The following GSE1 variants were observed in gnomAD, a reference collection of about 807,000 sequenced individuals.
GSE1 encodes Gse1 coiled-coil protein.
Under a neutral mutation model 112.6 loss-of-function variants are expected in GSE1, and 32 were observed. The observed-to-expected ratio is 0.28, with a 90% confidence interval of 0.21 to 0.38. The LOEUF is 0.38. GSE1 is among the 10% of genes least tolerant of loss of function. The pLI is 1.00. For missense variants in GSE1, 2,348 were observed against 1,699.2 expected, an observed-to-expected ratio of 1.38 and a Z score of -6.71; for synonymous variants, 1,115 against 735.6, an observed-to-expected ratio of 1.52 and a Z score of -8.35.
intron 11 of GSE1, among the ~76,000 whole-genome samples, chr16:85,664,213 G>C (rs1241393602): frequency 1.3e-5 from 2 of 152,260 alleles, no homozygotes; most frequent in East Asian, 3.9e-4. Context: ...CTGCAGCGCA[G>C]GCTGGCTTGG....
intron 2 of GSE1, among the ~76,000 whole-genome samples, chr16:85,460,871 G>C (rs1182051363): frequency 6.6e-6 from 1 of 152,264 alleles, no homozygotes; most frequent in African/African-American, 2.4e-5. Flanking sequence ...AGGGGACCGT[G>C]AGAGTGGGCT....
chr16:85,523,387 C>A (rs1010530461), intron 2 of GSE1, among the ~76,000 whole-genome samples: 9 of 152,240 alleles, frequency 5.9e-5, no homozygotes, highest in African/African-American at 2.2e-4. Flanking sequence ...TTTCGTTAAA[C>A]CCCATCTCCA....
chr16:85,489,394 C>G (rs2050940079), intron 2 of GSE1, among the ~76,000 whole-genome samples: 1 of 152,042 alleles, frequency 6.6e-6, no homozygotes, highest in Non-Finnish European at 1.5e-5. Context: ...GCCTAGAAAC[C>G]AGGTGGTACA....
chr16:85,218,387 A>G lies in GSE1; in HGVS notation c.2283+46580A>G, dbSNP rs373935410. ...TGGCCTCATCTCTAGAACACAGTGC[A>G]TATTCTCAGCTCCTAAGATTCTTTG... On this transcript the variant is annotated intron_variant, in intron 1 of 2. Transcript: ENST00000637419. Among the ~76,000 whole-genome samples the G allele has an allele frequency of 3.9e-5, 6 of 152,330 alleles. No individual in the cohort carries two copies. The East Asian group carries it at 1.2e-3, about 29-fold the overall frequency.
At chr16:85,368,700 G>T (rs2047235936) in intron 2 of GSE1, among the ~76,000 whole-genome samples, 1 of 152,122 alleles carries the variant, frequency 6.6e-6, no homozygotes, top group South Asian at 2.1e-4. Context: ...GTGAGACCCT[G>T]TCACTAAAAA....
At position 85,661,547 on chromosome 16, in the gene GSE1, C is replaced by T; in HGVS notation, c.2042C>T (p.Ser681Phe). Residue 681 changes from serine (S) to phenylalanine (F), a missense_variant, in exon 9 of 16, where the codon TCC becomes TTC. By Grantham distance (155) the Ser-to-Phe change is radical. Coordinates refer to ENST00000253458, the MANE Select transcript of GSE1 (RefSeq NM_014615.5). ...CCCTTCCTGGCTGAGCTCGAGAAGTCCACCCAGACCATCCTGGGCCAGCAG... is the reference window on the plus strand; with the variant it reads ...CCCTTCCTGGCTGAGCTCGAGAAGTTCACCCAGACCATCCTGGGCCAGCAG... Reference protein sequence around the residue: ...PGPFLAELEKSTQTILGQQRA... With the variant: ...PGPFLAELEKFTQTILGQQRA... 6.2e-7 allele frequency: 1 copy of T among 1,611,886 alleles called. No homozygotes were observed. The highest frequency in any genetic ancestry group is 8.5e-7 in the Non-Finnish European group (1 of 1,179,662).
intron 1 of GSE1, among the ~76,000 whole-genome samples, chr16:85,275,307 G>C (rs1163852364): frequency 6.6e-6 from 1 of 152,208 alleles, no homozygotes; most frequent in Non-Finnish European, 1.5e-5. Context: ...GGAAGGACAG[G>C]ACAGAAAAGC....
At chr16:85,178,440 A>G (rs2074512846) in intron 1 of GSE1, among the ~76,000 whole-genome samples, 1 of 152,100 alleles carries the variant, frequency 6.6e-6, no homozygotes. Context: ...CACTCGAATC[A>G]GTGTCAATCA....
chr16:85,385,192 TG>T (rs1356047745), intron 2 of GSE1, among the ~76,000 whole-genome samples: 3 of 151,856 alleles, frequency 2.0e-5, no homozygotes, highest in East Asian at 3.9e-4. Flanking sequence ...CCGCAGCAGG[TG>T]TTTTGGGGTG....
chr16:85,615,225 C>T (rs2151579128), intron 1 of GSE1, among the ~76,000 whole-genome samples: 1 of 152,342 alleles, frequency 6.6e-6, no homozygotes, highest in South Asian at 2.1e-4. Flanking sequence ...GTGAGGGGCC[C>T]AGGGCGCAGG....
intron 1 of GSE1, among the ~76,000 whole-genome samples, chr16:85,193,499 G>T (rs559554530): frequency 6.6e-6 from 1 of 151,236 alleles, no homozygotes; most frequent in Non-Finnish European, 1.5e-5. Flanking sequence ...TCACCCTGTC[G>T]CCCAGGCTGA....
Position 85,646,140 on chromosome 16 carries a change from C to G in GSE1, c.227-2412C>G, listed in dbSNP as rs933168694. Among the ~76,000 whole-genome samples the G allele has an allele frequency of 8.2e-5, 10 of 121,804 alleles. 2 individuals are homozygous for G. The highest frequency in any genetic ancestry group is 3.4e-4 in the African/African-American group (10 of 29,328). 79.9% of individuals were successfully genotyped at this position (121,804 alleles called of 152,430 possible). On this transcript the variant is annotated intron_variant, in intron 2 of 15. Transcript: ENST00000253458. ...GCTTCTACCACGCTTCCTATGCATG[C>G]ATTCTACCTGCTTCTACCACGCTTC...
At chr16:85,207,194 C>A (rs192080088) in intron 1 of GSE1, among the ~76,000 whole-genome samples, 21 of 152,312 alleles carry the variant, frequency 1.4e-4, no homozygotes, top group Admixed American at 2.0e-4. Context: ...GGGACCCCCC[C>A]GTCCTCCCAA....
At chr16:85,541,528 T>C (rs191931929) in intron 2 of GSE1, among the ~76,000 whole-genome samples, 1 of 152,324 alleles carries the variant, frequency 6.6e-6, no homozygotes, top group Admixed American at 6.5e-5. Context: ...GGGCCCACAC[T>C]GTCCCCCACT....
At chr16:85,178,494 C>A (rs529059415) in intron 1 of GSE1, among the ~76,000 whole-genome samples, 36 of 152,154 alleles carry the variant, frequency 2.4e-4, no homozygotes, top group African/African-American at 8.4e-4. Context: ...GCCCCCAGGC[C>A]TGTTAAATCA....
intron 2 of GSE1, among the ~76,000 whole-genome samples, chr16:85,447,597 C>T (rs1396492916): frequency 1.3e-5 from 2 of 152,244 alleles, no homozygotes; most frequent in Non-Finnish European, 2.9e-5. Context: ...TGCCTGTTTC[C>T]TCATTTCACC....
At chr16:85,665,407 C>T (rs978289367) in intron 12 of GSE1, among the ~76,000 whole-genome samples, 1 of 152,222 alleles carries the variant, frequency 6.6e-6, no homozygotes. Flanking sequence ...CCTTCAGTTA[C>T]GGCACAGAGG....
chr16:85,547,330 A>C lies in GSE1; in HGVS notation c.2465-86584A>C, dbSNP rs568367621. Among the ~76,000 whole-genome samples the C allele has an allele frequency of 5.2e-3, 791 of 152,262 alleles. 6 individuals carry two copies. The highest frequency in any genetic ancestry group is 0.017 in the African/African-American group (700 of 41,536). ...CTCTCACGGAATGAAACTGAAATCC[A>C]TGTGTCAGCGGGGCCATGCTCCCTC... On this transcript the variant is annotated intron_variant, in intron 2 of 2. Coordinates refer to the GSE1 transcript ENST00000637419.
intron 1 of GSE1, among the ~76,000 whole-genome samples, chr16:85,191,094 A>G (rs1194155266): frequency 6.6e-6 from 1 of 152,148 alleles, no homozygotes; most frequent in Non-Finnish European, 1.5e-5. Context: ...CCCTGTCTCT[A>G]CTAAAAATAC....
Sources: allele counts gnomAD v4.1 joint callset (sites outside exome capture counted in the v4.1 genomes callset), GRCh38; gene constraint gnomAD v4.1.1; transcripts MANE v1.5; gene names NCBI Gene and HGNC (gene_info 2026-07-23, HGNC 2026-07-21).